Variants in GNAS observed in about 807,000 individuals in gnomAD.
GNAS encodes the protein protein ALEX.
GNAS carries 8 observed loss-of-function variants against 54.5 expected under a neutral mutation model. The observed-to-expected ratio is 0.15, with a 90% CI of 0.09 to 0.26. The LOEUF (loss-of-function observed/expected upper bound fraction) is 0.26. GNAS is among the 10% of genes least tolerant of loss of function. GNAS has a pLI of 1.00. For synonymous variants in GNAS, 204 were observed against 191.4 expected (o/e 1.07, Z -0.54); for missense variants, 170 against 529.8 (o/e 0.32, Z 6.67).
At chr20:58,858,154 C>G (rs530522124) in intron 1 of GNAS, among the ~76,000 whole-genome samples, 2 of 152,300 alleles carry the variant, frequency 1.3e-5, no homozygotes, top group South Asian at 4.1e-4. Flanking sequence ...TAGGACAAGA[C>G]TTTTTACTAA....
chr20:58,839,896 C>T, upstream of GNAS: 1 of 602,554 alleles, frequency 1.7e-6, no homozygotes, highest in East Asian at 2.8e-5. Context: ...CTCAGAGAGG[C>T]AAGCAAGGCG....
chr20:58,868,347 T>C (rs1203306190), intron 1 of GNAS, among the ~76,000 whole-genome samples: 3 of 151,030 alleles, frequency 2.0e-5, no homozygotes, highest in Non-Finnish European at 4.4e-5. Context: ...AGAGATGGGG[T>C]TTCACCATGT....
chr20:58,857,296 T>C lies in GNAS; in HGVS notation c.43+16410T>C, dbSNP rs570677386. The C allele has an allele frequency of 6.6e-6, 1 of 152,342 alleles. No individual in the cohort carries two copies. Among genetic ancestry groups the C allele is most frequent in the Non-Finnish European group, 1.5e-5 (1 of 68,046 alleles). The allele number at this position is 152,342 out of a possible 1,614,324, so 9.4% of individuals were successfully genotyped here. A position where few individuals can be genotyped will look rare whatever the true frequency, so the allele number is the denominator to read the frequency against. On this transcript the variant is annotated intron_variant, in intron 1 of 12. Transcript: ENST00000306090. This position sits in a 1 kb window ranked among gnomAD's most constrained non-coding sequence, Gnocchi z 4.1. ...ATCCAGGTAGATCATGACATTGTCA[T>C]TTACCTAAAGACATATAATATGGTC...
chr20:58,843,123 G>GC (rs2085802054), intron 1 of GNAS, among the ~76,000 whole-genome samples: 1 of 151,778 alleles, frequency 6.6e-6, no homozygotes. Context: ...AAACTGCCTC[G>GC]CCATCTGCAT....
At chr20:58,905,352 T>A in intron 5 of GNAS, 31 bp from the exon 6 acceptor site, 1 of 1,265,122 alleles carries the variant, frequency 7.9e-7, no homozygotes, top group South Asian at 1.2e-5. Context: ...AGCTCTTGCC[T>A]TTCTCTAAAC....
chr20:58,848,758 G>C (rs893537109), intron 1 of GNAS: 2 of 395,626 alleles, frequency 5.1e-6, no homozygotes, highest in Non-Finnish European at 8.9e-6. Context: ...TTACTATACC[G>C]GATTCCTCAG....
chr20:58,868,106 C>T (rs1600789787), intron 1 of GNAS, among the ~76,000 whole-genome samples: 1 of 151,526 alleles, frequency 6.6e-6, no homozygotes, highest in African/African-American at 2.4e-5. Context: ...CTGCAACCTC[C>T]ACCTCCCAGG....
At chr20:58,897,356 C>T (rs1255673909) in intron 2 of GNAS, 1 of 152,184 alleles carries the variant, frequency 6.6e-6, no homozygotes, top group Non-Finnish European at 1.5e-5. Context: ...TAAATTTTCC[C>T]CCTGCAACTT....
chr20:58,841,220 T>C lies in GNAS; in HGVS notation c.43+334T>C. The C allele has an allele frequency of 2.8e-6, 2 of 709,598 alleles. No individual in the cohort carries two copies. The highest frequency in any genetic ancestry group is 3.8e-6 in the Non-Finnish European group (2 of 526,358). The allele number at this position is 709,598 out of a possible 1,614,324, so 44.0% of individuals were successfully genotyped here. On this transcript the variant is annotated intron_variant, in intron 1 of 12. Coordinates refer to the GNAS transcript ENST00000306090. This position sits in a 1 kb window ranked among gnomAD's most constrained non-coding sequence, Gnocchi z 5.0. The stretch of plus-strand genomic sequence containing the variant: ...TTGGAGCTGCACACCCAAACGGCAT[T>C]GGTAAGTCACTTGTTTTGCGCGCTT...
In GNAS at chr20:58,911,094, A is replaced by G. The variant is rs2091409731; in HGVS notation, c.*265A>G. ...CAGTAAAAATAAATAAAACAGCAGC[A>G]GCAAACAAATAAAATGAAATAAAAG... On this transcript the variant is annotated 3_prime_UTR_variant, in exon 13 of 13. Transcript: ENST00000371085. 7 of 616,774 alleles carry G rather than the reference A, an allele frequency of 1.1e-5. No individual in the cohort carries two copies. The highest frequency in any genetic ancestry group is 3.6e-5 in the African/African-American group (2 of 54,958). The allele number at this position is 616,774 out of a possible 1,614,324, so 38.2% of individuals were successfully genotyped here. A position where few individuals can be genotyped will look rare whatever the true frequency, so the allele number is the denominator to read the frequency against.
upstream of GNAS, among the ~76,000 whole-genome samples, chr20:58,891,083 G>GC (rs1169664509): frequency 2.7e-5 from 4 of 148,130 alleles, no homozygotes; most frequent in African/African-American, 9.8e-5. Context: ...GCGCGGAGAC[G>GC]CCCCCTCTCC....
At position 58,910,087 on chromosome 20, in the gene GNAS, T is replaced by G. The variant is rs1253007527; in HGVS notation, c.970+6T>G. Reference sequence around the variant, plus strand: ...CTACACTACTCCTGAGGATGGTGTGTATGGCTTCCACTCTTGCTGGCTGTT... The same window carrying G: ...CTACACTACTCCTGAGGATGGTGTGGATGGCTTCCACTCTTGCTGGCTGTT... On this transcript the variant is annotated splice_donor_region_variant and intron_variant, in intron 11 of 12. Coordinates refer to ENST00000371085, the MANE Select transcript of GNAS (RefSeq NM_000516.7). This position sits in a 1 kb window ranked among gnomAD's most constrained non-coding sequence, Gnocchi z 5.8. The G allele has an allele frequency of 6.2e-7, 1 of 1,613,460 alleles. No homozygotes were observed. The highest frequency in any genetic ancestry group is 1.7e-5 in the Admixed American group (1 of 60,000).
At chr20:58,887,648 G>C (rs1041674061), upstream of GNAS, among the ~76,000 whole-genome samples, 9 of 152,188 alleles carry the variant, frequency 5.9e-5, no homozygotes, top group Admixed American at 3.3e-4. Context: ...GTGTGGAAGA[G>C]AGGCCATCCA....
At chr20:58,886,687 C>CTTGA (rs2088612206), upstream of GNAS, among the ~76,000 whole-genome samples, 1 of 152,062 alleles carries the variant, frequency 6.6e-6, no homozygotes, top group South Asian at 2.1e-4. Context: ...CTTTTAGGGC[C>CTTGA]TCAAGAGGTC....
In GNAS at chr20:58,863,722, T is replaced by A. The variant is rs2086892260; in HGVS notation, c.43+22836T>A. The A allele has an allele frequency of 6.6e-6, 1 of 152,574 alleles. No individual in the cohort carries two copies. Among genetic ancestry groups the A allele is most frequent in the Non-Finnish European group, 1.5e-5 (1 of 68,034 alleles). 9.5% of individuals were successfully genotyped at this position (152,574 alleles called of 1,614,324 possible). Reference sequence around the variant, plus strand: ...CAAGAGCCTCGCCTCTCTCTTCTGATTTATCTGGCTCTTGCCTCTCCCCCT... The same window carrying A: ...CAAGAGCCTCGCCTCTCTCTTCTGAATTATCTGGCTCTTGCCTCTCCCCCT... On this transcript the variant is annotated intron_variant, in intron 1 of 12. Transcript: ENST00000306090. This position sits in a 1 kb window ranked among gnomAD's most constrained non-coding sequence, Gnocchi z 4.1.
At chr20:58,889,151 A>G (rs2088841423), upstream of GNAS, 1 of 1,214,060 alleles carries the variant, frequency 8.2e-7, no homozygotes, top group African/African-American at 1.6e-5. Flanking sequence ...GGGGCCGGTT[A>G]GAAGCTCTGC....
At position 58,841,883 on chromosome 20, in the gene GNAS, G is replaced by A; in HGVS notation, c.43+997G>A. ...ATCGTCGCAAGTGGAAAGGTAAAGCGGAACAAGGGACAGGCTGGAGACGGG... is the reference window on the plus strand; with the variant it reads ...ATCGTCGCAAGTGGAAAGGTAAAGCAGAACAAGGGACAGGCTGGAGACGGG... On this transcript the variant is annotated intron_variant, in intron 1 of 12. Coordinates refer to the GNAS transcript ENST00000306090. This position sits in a 1 kb window ranked among gnomAD's most constrained non-coding sequence, Gnocchi z 5.0. 1.6e-6 allele frequency: 2 copies of A among 1,231,356 alleles called. No individual in the cohort carries two copies. The highest frequency in any genetic ancestry group is 2.0e-6 in the Non-Finnish European group (2 of 987,916). The allele number at this position is 1,231,356 out of a possible 1,614,324, so 76.3% of individuals were successfully genotyped here.
At position 58,909,832 on chromosome 20, in the gene GNAS, C is replaced by G. The variant is rs368308093; in HGVS notation, c.839+28C>G. ...TTGTGGAGTGACCGCCCACCCCCTG[C>G]GCTTGCCCAGGAGGCCCTGGTCTGC... On this transcript the variant is annotated intron_variant, in intron 10 of 12. Transcript: ENST00000371085. The surrounding 1 kb of genome is among the most constrained non-coding windows in gnomAD (Gnocchi z 7.3). 9 of 1,612,420 alleles carry G rather than the reference C, an allele frequency of 5.6e-6. No homozygotes were observed. In the East Asian group the frequency reaches 1.3e-4, roughly 24 times the overall value.
Position 58,853,370 on chromosome 20 carries a change from G to A in GNAS, c.43+12484G>A, listed in dbSNP as rs560471852. ...AGCAACCACCTTTGGAGGCCCCAGG[G>A]GCAGCTGCCCCCGGTGCTGGGCCTA... On this transcript the variant is annotated intron_variant, in intron 1 of 12. Coordinates refer to the GNAS transcript ENST00000306090. This position sits in a 1 kb window ranked among gnomAD's most constrained non-coding sequence, Gnocchi z 4.4. 3 of 1,554,954 alleles carry A rather than the reference G, an allele frequency of 1.9e-6. No individual in the cohort carries two copies. The highest frequency in any genetic ancestry group is 3.9e-5 in the Admixed American group (2 of 51,428).
Sources: allele counts gnomAD v4.1 joint callset (sites outside exome capture counted in the v4.1 genomes callset), GRCh38; gene constraint gnomAD v4.1.1; non-coding constraint Gnocchi (gnomAD v3.1); transcripts MANE v1.5; gene names NCBI Gene and HGNC (gene_info 2026-07-23, HGNC 2026-07-21).